KCNT2: variants seen among roughly 807,000 people sequenced by gnomAD.
KCNT2 encodes the protein potassium sodium-activated channel subfamily T member 2, also known as potassium channel subfamily T member 2.
A neutral mutation model predicts 153.8 loss-of-function variants in KCNT2; 67 were observed. That is an observed-to-expected ratio of 0.44 (90% confidence interval 0.36 to 0.53). The LOEUF is 0.53. Ranked by LOEUF, KCNT2 falls within the 20% of genes least tolerant of loss-of-function variation. KCNT2 has a pLI of 0.00. For missense variants in KCNT2, 975 were observed against 1,354.8 expected, an observed-to-expected ratio of 0.72 and a Z score of 4.40; for synonymous variants, 500 against 458.8, an observed-to-expected ratio of 1.09 and a Z score of -1.15.
At chr1:196,452,658 AAT>A (rs1460091093) in intron 8 of KCNT2, among the ~76,000 whole-genome samples, 1 of 151,978 alleles carries the variant, frequency 6.6e-6, no homozygotes, top group Non-Finnish European at 1.5e-5. Flanking sequence ...GGCAGACTGG[AAT>A]ACAGAAGGAA....
intron 2 of KCNT2, among the ~76,000 whole-genome samples, chr1:196,490,243 G>T (rs1572625103): frequency 6.6e-6 from 1 of 151,734 alleles, no homozygotes; most frequent in East Asian, 1.9e-4. Context: ...GTTGATTAAA[G>T]TATGTTTATA....
chr1:196,344,661 G>T (rs1022978715), intron 14 of KCNT2, among the ~76,000 whole-genome samples: 4 of 152,076 alleles, frequency 2.6e-5, no homozygotes, highest in Non-Finnish European at 5.9e-5. Flanking sequence ...TCATGCAAGG[G>T]TACTAAAAGC....
intron 14 of KCNT2, among the ~76,000 whole-genome samples, chr1:196,349,137 T>C (rs1238072549): frequency 6.6e-6 from 1 of 152,050 alleles, no homozygotes; most frequent in Non-Finnish European, 1.5e-5. Context: ...CCTCAACAAA[T>C]GTCTTAATGG....
At position 196,398,621 on chromosome 1, in the gene KCNT2, A is replaced by G. The variant is rs536275876; in HGVS notation, c.1236T>C (p.Asn412=). 9.3e-6 allele frequency: 15 copies of G among 1,609,244 alleles called. No individual in the cohort carries two copies. The African/African-American group carries it at 1.2e-4, about 13-fold the overall frequency. The change falls in exon 13 of 28, where the codon AAT becomes AAC. Residue 412 remains asparagine (N), a synonymous_variant. Coordinates refer to ENST00000294725, the MANE Select transcript of KCNT2 (RefSeq NM_198503.5). ...TTAATATCTGGACATACAAAGGACA[A>G]TTTGGAGCAAAATCTTTCACAGCCC... ...RAWAVKDFAP[N]CPLYVQILKP...
At chr1:196,483,429 T>C (rs530911370) in intron 3 of KCNT2, among the ~76,000 whole-genome samples, 23 of 152,302 alleles carry the variant, frequency 1.5e-4, no homozygotes, top group Admixed American at 1.5e-3. Flanking sequence ...TTTCTCCAAG[T>C]CGCAAATACA....
chr1:196,505,799 C>T (rs1474315742), intron 1 of KCNT2, among the ~76,000 whole-genome samples: 5 of 152,128 alleles, frequency 3.3e-5, no homozygotes, highest in South Asian at 2.1e-4. Context: ...AGGTCCTTCA[C>T]GTCCCTTGTA....
intron 24 of KCNT2, 98 bp downstream of exon 24, chr1:196,282,175 A>T (rs1223334874): frequency 1.8e-6 from 1 of 551,012 alleles, no homozygotes; most frequent in Non-Finnish European, 3.2e-6. Context: ...CAATACAAAA[A>T]ATAACACATG....
chr1:196,308,726 AC>A (rs1322863731), intron 21 of KCNT2, among the ~76,000 whole-genome samples: 17 of 152,008 alleles, frequency 1.1e-4, no homozygotes, highest in Non-Finnish European at 2.4e-4. Flanking sequence ...CCTGGGTCAC[AC>A]CACAGCATTA....
chr1:196,334,589 T>C (rs1434230229), intron 16 of KCNT2, among the ~76,000 whole-genome samples: 2 of 150,174 alleles, frequency 1.3e-5, no homozygotes, highest in Non-Finnish European at 3.0e-5. Flanking sequence ...CCCCCTTTTC[T>C]ATTGAGCTAT....
intron 14 of KCNT2, chr1:196,343,137 A>G (rs1310863740): frequency 6.6e-6 from 1 of 152,174 alleles, no homozygotes; most frequent in African/African-American, 2.4e-5. Flanking sequence ...TGTTTATAAA[A>G]TGCCCAAGCT....
intron 8 of KCNT2, among the ~76,000 whole-genome samples, chr1:196,459,960 T>C: frequency 6.6e-6 from 1 of 151,792 alleles, no homozygotes; most frequent in East Asian, 1.9e-4. Context: ...AAGCCTTCTT[T>C]TCTCAAAAGC....
intron 1 of KCNT2, among the ~76,000 whole-genome samples, chr1:196,579,423 T>C (rs1280813042): frequency 2.0e-5 from 3 of 151,834 alleles, no homozygotes; most frequent in Non-Finnish European, 2.9e-5. Flanking sequence ...CAAACTCCCA[T>C]GACACAAGTT....
chr1:196,480,760 G>T (rs1174660135), intron 4 of KCNT2, among the ~76,000 whole-genome samples: 1 of 148,424 alleles, frequency 6.7e-6, no homozygotes, highest in South Asian at 2.1e-4. Flanking sequence ...GGAGGCTGAG[G>T]CAGGAGAATG....
intron 25 of KCNT2, among the ~76,000 whole-genome samples, chr1:196,265,638 G>C (rs1345170211): frequency 6.6e-6 from 1 of 152,136 alleles, no homozygotes; most frequent in Non-Finnish European, 1.5e-5. Flanking sequence ...AGGTCCATTG[G>C]GTGGTTGCTT....
chr1:196,316,904 A>G (rs1270121555), intron 20 of KCNT2, among the ~76,000 whole-genome samples: 2 of 151,810 alleles, frequency 1.3e-5, no homozygotes, highest in Non-Finnish European at 2.9e-5. Flanking sequence ...AATGAGTACA[A>G]GAATGTTCTA....
At chr1:196,603,384 T>C (rs1010676586) in intron 1 of KCNT2, among the ~76,000 whole-genome samples, 2 of 152,176 alleles carry the variant, frequency 1.3e-5, no homozygotes, top group Non-Finnish European at 2.9e-5. Flanking sequence ...AATGGCTGTT[T>C]TTCAAAACAA....
intron 22 of KCNT2, among the ~76,000 whole-genome samples, chr1:196,288,563 T>C (rs1363073298): frequency 6.6e-6 from 1 of 152,140 alleles, no homozygotes; most frequent in Non-Finnish European, 1.5e-5. Flanking sequence ...TAAACTATAG[T>C]GTTAATGCAG....
chr1:196,595,515 C>CTA (rs1404204903), intron 1 of KCNT2, among the ~76,000 whole-genome samples: 4 of 152,062 alleles, frequency 2.6e-5, no homozygotes, highest in African/African-American at 9.7e-5. Flanking sequence ...CTAAAATCCA[C>CTA]AAATGCTCAA....
intron 14 of KCNT2, among the ~76,000 whole-genome samples, chr1:196,348,228 C>G (rs756414643): frequency 1.3e-5 from 2 of 150,802 alleles, no homozygotes; most frequent in Non-Finnish European, 2.9e-5. Context: ...AACTGAGTTT[C>G]ATAATCACTA....
Sources: gnomAD v4.1 joint callset for allele counts (sites outside exome capture counted in the v4.1 genomes callset) on GRCh38, gnomAD v4.1.1 for gene constraint, MANE v1.5 for transcripts, NCBI Gene and HGNC (gene_info 2026-07-23, HGNC 2026-07-21) for gene names.